Variants in SLC27A6 observed in about 807,000 individuals in gnomAD.
SLC27A6 encodes the protein solute carrier family 27 member 6.
SLC27A6 carries 74 observed loss-of-function variants against 63.9 expected under a neutral mutation model. That is an observed-to-expected ratio of 1.16 (90% CI 0.96 to 1.40). SLC27A6 has a LOEUF of 1.40. Ranked by LOEUF, SLC27A6 falls within the 40% of genes most tolerant of loss-of-function variation. SLC27A6 has a pLI of 0.00. For synonymous variants in SLC27A6, 287 were observed against 260.8 expected, an observed-to-expected ratio of 1.10 and a Z score of -0.97; for missense variants, 794 against 732.9, an observed-to-expected ratio of 1.08 and a Z score of -0.96.
intron 9 of SLC27A6, among the ~76,000 whole-genome samples, chr5:129,030,359 A>G (rs947703248): frequency 6.6e-6 from 1 of 152,004 alleles, no homozygotes; most frequent in African/African-American, 2.4e-5. Context: ...ATTATTACTC[A>G]TCATCTCTTA....
chr5:128,970,130 G>T (rs1580696583), intron 1 of SLC27A6, among the ~76,000 whole-genome samples: 2 of 148,074 alleles, frequency 1.4e-5, no homozygotes, highest in Admixed American at 6.7e-5. Flanking sequence ...GATCATGGTG[G>T]ATAAGCTTTT....
At chr5:128,980,790 A>G (rs1750558806) in intron 1 of SLC27A6, among the ~76,000 whole-genome samples, 1 of 152,228 alleles carries the variant, frequency 6.6e-6, no homozygotes, top group Non-Finnish European at 1.5e-5. Flanking sequence ...AATGCTTACC[A>G]ATGTATTAAC....
chr5:129,004,703 T>G (rs1347882043), intron 4 of SLC27A6, among the ~76,000 whole-genome samples: 2 of 152,238 alleles, frequency 1.3e-5, no homozygotes, highest in Non-Finnish European at 2.9e-5. Flanking sequence ...AAGTGGAGTT[T>G]TAAAAATTAC....
chr5:128,984,845 A>G (rs1332514842), intron 1 of SLC27A6, among the ~76,000 whole-genome samples: 3 of 152,208 alleles, frequency 2.0e-5, no homozygotes, highest in African/African-American at 7.2e-5. Context: ...AAATAGTTTT[A>G]TTTAAAAATT....
At chr5:129,028,259 C>G in intron 7 of SLC27A6, 86 bp from the exon 8 acceptor site, 1 of 829,100 alleles carries the variant, frequency 1.2e-6, no homozygotes, top group South Asian at 1.5e-5. Context: ...TTGCACAGTG[C>G]CAAATGCAAG....
intron 1 of SLC27A6, among the ~76,000 whole-genome samples, chr5:128,982,332 A>G (rs1750623656): frequency 6.6e-6 from 1 of 152,226 alleles, no homozygotes; most frequent in Non-Finnish European, 1.5e-5. Flanking sequence ...GAAAGAAGTG[A>G]CATTGTATCT....
intron 9 of SLC27A6, among the ~76,000 whole-genome samples, 172 bp from the exon 10 acceptor site, chr5:129,032,934 G>T (rs559704291): frequency 1.3e-5 from 2 of 151,852 alleles, no homozygotes; most frequent in East Asian, 3.9e-4. Flanking sequence ...TCAAACTAAA[G>T]ATTTTAATAT....
At chr5:129,028,775 C>A (rs565198249) in intron 8 of SLC27A6, among the ~76,000 whole-genome samples, 1 of 151,488 alleles carries the variant, frequency 6.6e-6, no homozygotes, top group Non-Finnish European at 1.5e-5. Context: ...TTTGTACATA[C>A]CACTAAACAA....
At position 129,015,882 on chromosome 5, in the gene SLC27A6, C is replaced by T; in HGVS notation, c.970-3C>T. 1 of 1,565,734 alleles carries T rather than the reference C, an allele frequency of 6.4e-7. No individual in the cohort carries two copies. The highest frequency in any genetic ancestry group is 1.2e-5 in the South Asian group (1 of 81,514). ...TTACAAGTAAAACATTTTCTTCTAA[C>T]AGAGAGAAGGAGAAAAGGATCATAA... On this transcript the variant is annotated splice_region_variant and splice_polypyrimidine_tract_variant and intron_variant, in intron 4 of 9. Coordinates refer to ENST00000262462, the MANE Select transcript of SLC27A6 (RefSeq NM_001017372.3).
intron 4 of SLC27A6, among the ~76,000 whole-genome samples, chr5:129,008,867 T>C (rs1001528009): frequency 1.5e-4 from 11 of 75,254 alleles, no homozygotes; most frequent in African/African-American, 4.4e-4. Flanking sequence ...TTCAATTGAT[T>C]TTTTTTTTTT....
At chr5:129,023,370 A>G (rs1460376114) in intron 5 of SLC27A6, among the ~76,000 whole-genome samples, 1 of 152,162 alleles carries the variant, frequency 6.6e-6, no homozygotes, top group Non-Finnish European at 1.5e-5. Context: ...TGTTTTGCTA[A>G]GTAAAGTGTA....
chr5:129,013,635 A>G (rs1751799180), intron 4 of SLC27A6, among the ~76,000 whole-genome samples: 1 of 152,004 alleles, frequency 6.6e-6, no homozygotes, highest in African/African-American at 2.4e-5. Context: ...AAAATGTCCA[A>G]CTGTATTTCC....
chr5:128,972,920 T>A (rs1035427081), intron 1 of SLC27A6, among the ~76,000 whole-genome samples: 2 of 152,226 alleles, frequency 1.3e-5, no homozygotes, highest in African/African-American at 2.4e-5. Flanking sequence ...CCCTTGGTCT[T>A]TGATGATGGT....
At chr5:129,008,835 A>T (rs1039605047) in intron 4 of SLC27A6, among the ~76,000 whole-genome samples, 3 of 148,846 alleles carry the variant, frequency 2.0e-5, no homozygotes, top group African/African-American at 7.4e-5. Context: ...ACATAATTCC[A>T]CATCTTGGCT....
At chr5:129,018,258 A>G (rs540734139) in intron 5 of SLC27A6, among the ~76,000 whole-genome samples, 2 of 152,030 alleles carry the variant, frequency 1.3e-5, no homozygotes, top group African/African-American at 4.8e-5. Context: ...TTTAGGTGAA[A>G]TTTTCTGTAT....
chr5:128,972,032 G>C (rs1750186698), intron 1 of SLC27A6, among the ~76,000 whole-genome samples: 2 of 152,080 alleles, frequency 1.3e-5, no homozygotes, highest in Non-Finnish European at 2.9e-5. Flanking sequence ...AGCTTAGTTT[G>C]GCTGGATATG....
chr5:129,015,859 A>G, intron 4 of SLC27A6, 26 bp from the exon 5 acceptor site: 1 of 1,502,360 alleles, frequency 6.7e-7, no homozygotes, highest in South Asian at 1.3e-5. Context: ...GGAACTAATT[A>G]CAAGTAAAAC....
At chr5:128,978,522 C>T (rs1023620744) in intron 1 of SLC27A6, among the ~76,000 whole-genome samples, 1 of 152,152 alleles carries the variant, frequency 6.6e-6, no homozygotes, top group African/African-American at 2.4e-5. Context: ...TAGCTGAAAT[C>T]TTTTCCTTTG....
intron 4 of SLC27A6, 132 bp downstream of exon 4, chr5:128,990,596 T>C: frequency 1.1e-6 from 1 of 922,374 alleles, no homozygotes; most frequent in East Asian, 2.8e-5. Context: ...GCTTCCAAGA[T>C]AGTGGCAGGT....
Sources: gnomAD v4.1 joint callset for allele counts (sites outside exome capture counted in the v4.1 genomes callset) on GRCh38, gnomAD v4.1.1 for gene constraint, MANE v1.5 for transcripts, NCBI Gene and HGNC (gene_info 2026-07-23, HGNC 2026-07-21) for gene names.